ITPK1: variants seen among roughly 807,000 people sequenced by gnomAD.
ITPK1 encodes inositol-tetrakisphosphate 1-kinase, also known as inositol 1,3,4-trisphosphate 5/6-kinase.
ITPK1 carries 21 observed loss-of-function variants against 45.3 expected under a neutral mutation model. The ratio of observed to expected loss-of-function variants is 0.46; its 90% CI spans 0.33 to 0.67. ITPK1 has a LOEUF of 0.67. Among genes scored for constraint, ITPK1 ranks in the 30% least tolerant of loss-of-function variants. The probability of loss-of-function intolerance (pLI) is 0.02; values close to 1 mark genes in which losing one functional copy is unlikely to be tolerated. For missense variants in ITPK1, 474 were observed against 573.5 expected (o/e 0.83, Z 1.77); for synonymous variants, 258 against 253.6 (o/e 1.02, Z -0.16).
intron 4 of ITPK1, among the ~76,000 whole-genome samples, chr14:93,013,594 T>C (rs759677673): frequency 6.6e-6 from 1 of 152,176 alleles, no homozygotes; most frequent in South Asian, 2.1e-4. Flanking sequence ...GTATGGACTG[T>C]GGAGAAGGCC....
At chr14:93,048,301 T>C (rs181757606) in intron 3 of ITPK1, among the ~76,000 whole-genome samples, 15 of 152,376 alleles carry the variant, frequency 9.8e-5, no homozygotes, top group African/African-American at 3.1e-4. Flanking sequence ...GGCCAGTCTT[T>C]ACGTCAAGGG....
chr14:93,091,375 G>A (rs1420949511), intron 2 of ITPK1, among the ~76,000 whole-genome samples: 1 of 152,204 alleles, frequency 6.6e-6, no homozygotes, highest in Non-Finnish European at 1.5e-5. Flanking sequence ...GAAAGCACCA[G>A]GCCAGGAAGC....
At chr14:93,107,644 G>T (rs113655593) in intron 2 of ITPK1, among the ~76,000 whole-genome samples, 277 of 152,310 alleles carry the variant, frequency 1.8e-3, no homozygotes, top group African/African-American at 5.1e-3. Flanking sequence ...CTGGAGGGGT[G>T]GGGGGATGCG....
At chr14:93,086,365 G>A (rs1005072481) in intron 2 of ITPK1, among the ~76,000 whole-genome samples, 1 of 152,246 alleles carries the variant, frequency 6.6e-6, no homozygotes, top group African/African-American at 2.4e-5. Context: ...TACCTGGCCT[G>A]AGGGCTGGGG....
rs977482629 is a variant in ITPK1 at position 93,016,828 on chromosome 14, G to GC, written c.121-28dup. The GC allele has an allele frequency of 1.2e-6, 2 of 1,612,314 alleles. No individual in the cohort carries two copies. Among genetic ancestry groups the GC allele is most frequent in the African/African-American group, 2.7e-5 (2 of 75,018 alleles). ...TGTGAGGCAGGGAACACAGACAAAA[G>GC]CAACAACTTCAGCACCTGAGTCCAC... On this transcript the variant is annotated intron_variant, in intron 3 of 10. Transcript: ENST00000267615. The surrounding 1 kb of genome is among the most constrained non-coding windows in gnomAD (Gnocchi z 5.0).
intron 2 of ITPK1, among the ~76,000 whole-genome samples, chr14:93,079,140 C>T (rs535331685): frequency 2.0e-5 from 3 of 152,308 alleles, no homozygotes; most frequent in Admixed American, 6.5e-5. Context: ...CCTAAAAAAA[C>T]AGTCTCTCAC....
chr14:93,054,908 G>A (rs1890159558), intron 3 of ITPK1, among the ~76,000 whole-genome samples: 1 of 152,124 alleles, frequency 6.6e-6, no homozygotes, highest in Non-Finnish European at 1.5e-5. Flanking sequence ...TTCACAAACT[G>A]GCACCCAAGA....
At chr14:93,041,638 G>T (rs1167147064) in intron 3 of ITPK1, among the ~76,000 whole-genome samples, 1 of 152,178 alleles carries the variant, frequency 6.6e-6, no homozygotes, top group Admixed American at 6.5e-5. Context: ...CCCACACCCG[G>T]GCACACAGGG....
chr14:93,061,795 AAAGG>A (rs1323556504), intron 3 of ITPK1, among the ~76,000 whole-genome samples: 1 of 152,372 alleles, frequency 6.6e-6, no homozygotes, highest in South Asian at 2.1e-4. Context: ...TACTATTTAT[AAAGG>A]TGACAGACCA....
At chr14:92,970,189 A>T (rs1885577434) in intron 5 of ITPK1, among the ~76,000 whole-genome samples, 1 of 152,218 alleles carries the variant, frequency 6.6e-6, no homozygotes, top group African/African-American at 2.4e-5. Context: ...GGAGGAAATG[A>T]GCACCTGAAG....
chr14:93,061,512 G>C lies in ITPK1; in HGVS notation c.120+15083C>G, dbSNP rs562613341. ...TGGGTCTGGGGCAGGAGTGAGAAAG[G>C]AGGGGAGGGAGGGCACATGAGAGAG... On this transcript the variant is annotated intron_variant, in intron 3 of 10. Coordinates refer to ENST00000267615, the MANE Select transcript of ITPK1 (RefSeq NM_014216.6). Among the ~76,000 whole-genome samples, 100 of 152,322 alleles carry C rather than the reference G, an allele frequency of 6.6e-4. 1 individual carries two copies. Among genetic ancestry groups the C allele is most frequent in the African/African-American group, 2.3e-3 (94 of 41,576 alleles).
At chr14:93,094,850 G>A (rs1566783029) in intron 2 of ITPK1, among the ~76,000 whole-genome samples, 3 of 152,322 alleles carry the variant, frequency 2.0e-5, no homozygotes, top group South Asian at 2.1e-4. Flanking sequence ...CATCTGCACC[G>A]GCCCTACATG....
chr14:92,947,727 A>G (rs1416890624), intron 9 of ITPK1, among the ~76,000 whole-genome samples: 1 of 152,242 alleles, frequency 6.6e-6, no homozygotes, highest in Non-Finnish European at 1.5e-5. Flanking sequence ...TAGGTGCTCA[A>G]TAAATAGTGA....
intron 3 of ITPK1, among the ~76,000 whole-genome samples, chr14:93,026,803 G>A (rs4900172): frequency 0.027 from 4,063 of 152,276 alleles, 98 homozygotes; most frequent in Admixed American, 0.085. Context: ...CTGTGGTGAC[G>A]TGGAAAGATC....
At chr14:92,955,718 G>A (rs757672484) in intron 8 of ITPK1, among the ~76,000 whole-genome samples, 2 of 152,238 alleles carry the variant, frequency 1.3e-5, no homozygotes, top group African/African-American at 4.8e-5. Flanking sequence ...GGCAGTTGTC[G>A]AGTGAAGACT....
At chr14:93,091,572 G>A (rs79250015) in intron 2 of ITPK1, among the ~76,000 whole-genome samples, 290 of 152,296 alleles carry the variant, frequency 1.9e-3, no homozygotes, top group African/African-American at 6.8e-3. Flanking sequence ...CTCCTACGCC[G>A]AGTGCTGGGC....
chr14:93,048,761 C>G (rs747458880), intron 3 of ITPK1, among the ~76,000 whole-genome samples: 22 of 152,148 alleles, frequency 1.4e-4, no homozygotes, highest in Non-Finnish European at 2.5e-4. Context: ...CCAGCCTGGC[C>G]AACACCATGA....
chr14:93,012,250 T>C lies in ITPK1; in HGVS notation c.246+4426A>G, dbSNP rs1436344245. ...CAGTGAAGGGACAGACAATAGCCAC[T>C]GATAAAGAATTACGAACTTCCGAAG... On this transcript the variant is annotated intron_variant, in intron 4 of 10. Coordinates refer to ENST00000267615, the MANE Select transcript of ITPK1 (RefSeq NM_014216.6). This position sits in a 1 kb window ranked among gnomAD's most constrained non-coding sequence, Gnocchi z 4.9. Among the ~76,000 whole-genome samples, 3 of 152,298 alleles carry C rather than the reference T, an allele frequency of 2.0e-5. No homozygotes were observed. Among genetic ancestry groups the C allele is most frequent in the South Asian group, 4.1e-4 (2 of 4,832 alleles).
intron 4 of ITPK1, among the ~76,000 whole-genome samples, chr14:92,999,612 AGAGTGAGGGCTGATGGCATGAAGGGACT>A: frequency 6.6e-6 from 1 of 152,350 alleles, no homozygotes; most frequent in South Asian, 2.1e-4. Context: ...CCTTCTCTGT[AGAGTGAGGGCTGATGGCATGAAGGGACT>A]GCATGCCAGG....
Sources: gnomAD v4.1 joint callset for allele counts (sites outside exome capture counted in the v4.1 genomes callset) on GRCh38, gnomAD v4.1.1 for gene constraint, Gnocchi (gnomAD v3.1) non-coding constraint, MANE v1.5 for transcripts, NCBI Gene and HGNC (gene_info 2026-07-23, HGNC 2026-07-21) for gene names.